Variants in FAM178B observed in about 807,000 individuals in gnomAD.
FAM178B encodes family with sequence similarity 178 member B, also known as protein FAM178B.
In FAM178B, 82 loss-of-function variants were observed where a neutral mutation model predicts 91.7. The observed-to-expected ratio is 0.89, with a 90% CI of 0.75 to 1.07. FAM178B has a LOEUF of 1.07. FAM178B is among the 50% of genes least tolerant of loss of function. The pLI is 0.00. For synonymous variants in FAM178B, 368 were observed against 359.4 expected, an observed-to-expected ratio of 1.02 and a Z score of -0.27; for missense variants, 769 against 846.7, an observed-to-expected ratio of 0.91 and a Z score of 1.14.
intron 14 of FAM178B, among the ~76,000 whole-genome samples, chr2:96,882,999 G>A (rs2080425719): frequency 1.3e-5 from 2 of 152,244 alleles, no homozygotes; most frequent in Admixed American, 6.5e-5. Flanking sequence ...CCCGTTTTCT[G>A]GGTCTTTCCC....
rs368995616 is a variant in FAM178B at position 96,933,578 on chromosome 2, C to G, written c.1079-4258G>C. Among the ~76,000 whole-genome samples the G allele has an allele frequency of 2.4e-4, 37 of 152,342 alleles. No homozygotes were observed. The South Asian group carries it at 3.5e-3, about 14-fold the overall frequency. ...GCTCCAAGACCTGGCTCCTGCCCCCCTTCTGGGCCTCCCTCGTGCCCTGAG... is the reference window on the plus strand; with the variant it reads ...GCTCCAAGACCTGGCTCCTGCCCCCGTTCTGGGCCTCCCTCGTGCCCTGAG... On this transcript the variant is annotated intron_variant, in intron 8 of 16. Coordinates refer to ENST00000490605, the MANE Select transcript of FAM178B (RefSeq NM_001122646.3).
At chr2:96,947,522 G>A (rs539836731) in intron 8 of FAM178B, among the ~76,000 whole-genome samples, 3 of 152,198 alleles carry the variant, frequency 2.0e-5, no homozygotes, top group African/African-American at 7.2e-5. Context: ...CCTAGAGACT[G>A]TCTCAGTCTG....
At chr2:96,917,597 C>T (rs184132654) in intron 12 of FAM178B, among the ~76,000 whole-genome samples, 7 of 152,300 alleles carry the variant, frequency 4.6e-5, no homozygotes, top group South Asian at 2.1e-4. Flanking sequence ...GGCTCACACC[C>T]GTGATCCCAG....
chr2:96,952,851 C>G (rs554901425), intron 6 of FAM178B, among the ~76,000 whole-genome samples: 1 of 152,102 alleles, frequency 6.6e-6, no homozygotes, highest in Admixed American at 6.5e-5. Context: ...TTTAATGGCC[C>G]AAATGCATGC....
At chr2:96,957,195 C>T (rs1243234497) in intron 6 of FAM178B, among the ~76,000 whole-genome samples, 1 of 152,164 alleles carries the variant, frequency 6.6e-6, no homozygotes, top group African/African-American at 2.4e-5. Context: ...CCTCCATGGC[C>T]ATGTTTCTGG....
intron 14 of FAM178B, among the ~76,000 whole-genome samples, chr2:96,890,325 G>C (rs1038730350): frequency 6.6e-6 from 1 of 152,094 alleles, no homozygotes; most frequent in African/African-American, 2.4e-5. Context: ...TAATTAGCCC[G>C]GTGTGGTAGC....
rs1270358416 is a variant in FAM178B, at chr2:96,897,872, C to T, written c.1651-3821G>A. The T allele has an allele frequency of 3.5e-5, 28 of 803,376 alleles. No homozygotes were observed. The Admixed American group carries it at 1.7e-3, about 50-fold the overall frequency. The allele number at this position is 803,376 out of a possible 1,614,324, so 49.8% of individuals were successfully genotyped here. ...ACTTCTGCGCAGAAGTCAAAACCCT[C>T]ACCGTAGCCTTGAGGCTCTGGCTAA... On this transcript the variant is annotated intron_variant, in intron 13 of 16. Transcript: ENST00000490605.
chr2:96,883,488 C>G (rs953631232), intron 14 of FAM178B, among the ~76,000 whole-genome samples: 1 of 152,328 alleles, frequency 6.6e-6, no homozygotes, highest in African/African-American at 2.4e-5. Context: ...GTCTTAACCC[C>G]GGGCAAGTCT....
intron 12 of FAM178B, among the ~76,000 whole-genome samples, chr2:96,903,681 CT>C (rs2080978079): frequency 6.6e-6 from 1 of 152,218 alleles, no homozygotes. Flanking sequence ...GGCAAAGAGG[CT>C]GAAACAGAGC....
Position 96,916,614 on chromosome 2 carries a change from G to A in FAM178B, c.1562+4551C>T, listed in dbSNP as rs141384021. 4.9e-3 allele frequency among the ~76,000 whole-genome samples: 748 copies of A among 152,298 alleles called. 34 individuals carry two copies. The highest frequency in any genetic ancestry group is 0.042 in the Admixed American group (642 of 15,300). On this transcript the variant is annotated intron_variant, in intron 12 of 16. Transcript: ENST00000490605. ...AAGCTGCCTGAGCTGCCCCAATGGC[G>A]CCACCTCCCAAGGTGGATGTTCCTC... is the stretch of plus-strand genomic sequence containing the variant.
chr2:96,980,249 T>C (rs1331798826), intron 1 of FAM178B, among the ~76,000 whole-genome samples: 1 of 152,102 alleles, frequency 6.6e-6, no homozygotes, highest in African/African-American at 2.4e-5. Flanking sequence ...CTAATTTTTG[T>C]ATTTTGAGTA....
chr2:96,986,528 GGCCAGCTCACAGCCGCCGCC>G lies in FAM178B; in HGVS notation c.-235_-216del, dbSNP rs1268872561. 6 of 591,102 alleles carry G rather than the reference GGCCAGCTCACAGCCGCCGCC, an allele frequency of 1.0e-5. No individual in the cohort carries two copies. Among genetic ancestry groups the G allele is most frequent in the Non-Finnish European group, 1.7e-5 (6 of 351,420 alleles). The allele number at this position is 591,102 out of a possible 1,614,324, so 36.6% of individuals were successfully genotyped here. A position where few individuals can be genotyped will look rare whatever the true frequency, so the allele number is the denominator to read the frequency against. On this transcript the variant is annotated 5_prime_UTR_variant, in exon 1 of 17. Transcript: ENST00000490605. ...ATTGAGTTCCGACTCCAAACCAAGC[GGCCAGCTCACAGCCGCCGCC>G]GCCGCCAGCTGGGGAGCTCGCCGGC... is the stretch of plus-strand genomic sequence containing the variant.
At chr2:96,878,106 CAGG>C (rs375424520) in intron 15 of FAM178B, 64 bp from the exon 16 acceptor site, 3 of 1,562,184 alleles carry the variant, frequency 1.9e-6, no homozygotes, top group African/African-American at 2.7e-5. Flanking sequence ...CAAAGCCGGG[CAGG>C]AGGAGAACAA....
At chr2:96,974,294 A>G (rs1235498292) in intron 1 of FAM178B, among the ~76,000 whole-genome samples, 1 of 147,118 alleles carries the variant, frequency 6.8e-6, no homozygotes, top group Non-Finnish European at 1.5e-5. Context: ...AGGCAGGAGA[A>G]TGGCATGAAC....
At chr2:96,892,799 C>T (rs1241576113) in intron 14 of FAM178B, among the ~76,000 whole-genome samples, 1 of 152,152 alleles carries the variant, frequency 6.6e-6, no homozygotes, top group African/African-American at 2.4e-5. Context: ...TCTGTTTAGA[C>T]AGACCACCCC....
In FAM178B at chr2:96,929,261, G is replaced by A; in HGVS notation, c.1138C>T (p.Leu380=). The change falls in exon 9 of 17, where the codon CTG becomes TTG. Residue 380 remains leucine, a synonymous_variant. Coordinates refer to ENST00000490605, the MANE Select transcript of FAM178B (RefSeq NM_001122646.3). ...TACAGGGCAGGACTGTGGGCACCCA[G>A]GCTGTGGAATGCCTCCCTGACTTCT... is the stretch of plus-strand genomic sequence containing the variant. The part of the protein sequence containing the change: ...LQEVREAFHS[L]GAHSPALYPL... The A allele has an allele frequency of 6.4e-7, 1 of 1,551,694 alleles. No homozygotes were observed.
intron 8 of FAM178B, among the ~76,000 whole-genome samples, chr2:96,931,409 G>A (rs945195136): frequency 2.6e-5 from 4 of 152,210 alleles, no homozygotes; most frequent in African/African-American, 9.6e-5. Context: ...GCAGGTAAAA[G>A]GTACAGAGCC....
intron 14 of FAM178B, among the ~76,000 whole-genome samples, chr2:96,893,545 G>A (rs2080732990): frequency 6.6e-6 from 1 of 152,002 alleles, no homozygotes; most frequent in Non-Finnish European, 1.5e-5. Context: ...CCTGCACGTC[G>A]AGACAACCCT....
intron 14 of FAM178B, among the ~76,000 whole-genome samples, chr2:96,893,097 G>C (rs1574200877): frequency 6.6e-6 from 1 of 152,156 alleles, no homozygotes. Flanking sequence ...GATGCCCAAA[G>C]GTTGGACTTC....
Sources: gnomAD v4.1 joint callset for allele counts (sites outside exome capture counted in the v4.1 genomes callset) on GRCh38, gnomAD v4.1.1 for gene constraint, MANE v1.5 for transcripts, NCBI Gene and HGNC (gene_info 2026-07-23, HGNC 2026-07-21) for gene names.